Variants in KRT222 observed in about 807,000 individuals in gnomAD.
KRT222 encodes the protein keratin-like protein KRT222.
A neutral mutation model predicts 35.0 loss-of-function variants in KRT222; 23 were observed. The ratio of observed to expected loss-of-function variants is 0.66; its 90% CI spans 0.47 to 0.93. The LOEUF is 0.93. Ranked by LOEUF, KRT222 falls within the 40% of genes least tolerant of loss-of-function variation. The pLI is 0.00. For missense variants in KRT222, 339 were observed against 346.3 expected (o/e 0.98, Z 0.17); for synonymous variants, 108 against 118.8 (o/e 0.91, Z 0.59).
In KRT222 at chr17:40,654,733, T is replaced by C. The variant is rs982285088; in HGVS notation, c.*1669A>G. 2 of 152,112 alleles carry C rather than the reference T, an allele frequency of 1.3e-5. No homozygotes were observed. Among genetic ancestry groups the C allele is most frequent in the African/African-American group, 4.8e-5 (2 of 41,434 alleles). 9.4% of individuals were successfully genotyped at this position (152,112 alleles called of 1,614,324 possible). ...ACAGTAACTTTAGTACAATAGCTTA[T>C]ATGATTGCATTTTTAAAGCTTTAAT... On this transcript the variant is annotated 3_prime_UTR_variant, in exon 6 of 6. Transcript: ENST00000394052.
intron 5 of KRT222, chr17:40,657,067 C>G: frequency 4.8e-6 from 1 of 206,258 alleles, no homozygotes; most frequent in Non-Finnish European, 9.7e-6. Flanking sequence ...AAAAACCCAG[C>G]TGAGTGTGGT....
rs961911714 is a variant in KRT222 at position 40,654,730 on chromosome 17, T to C, written c.*1672A>G. 1 of 152,172 alleles carries C rather than the reference T, an allele frequency of 6.6e-6. No individual in the cohort carries two copies. Among genetic ancestry groups the C allele is most frequent in the Admixed American group, 6.5e-5 (1 of 15,278 alleles). The allele number at this position is 152,172 out of a possible 1,614,324, so 9.4% of individuals were successfully genotyped here. A position where few individuals can be genotyped will look rare whatever the true frequency, so the allele number is the denominator to read the frequency against. On this transcript the variant is annotated 3_prime_UTR_variant, in exon 6 of 6. Coordinates refer to ENST00000394052, the MANE Select transcript of KRT222 (RefSeq NM_152349.3). ...AGTACAGTAACTTTAGTACAATAGC[T>C]TATATGATTGCATTTTTAAAGCTTT...
At chr17:40,658,428 C>T (rs1272293236) in intron 3 of KRT222, among the ~76,000 whole-genome samples, 1 of 151,840 alleles carries the variant, frequency 6.6e-6, no homozygotes, top group Admixed American at 6.6e-5. Flanking sequence ...TACATATATA[C>T]ATATACATAT....
chr17:40,661,793 A>G, intron 2 of KRT222, 123 bp downstream of exon 2: 1 of 1,224,362 alleles, frequency 8.2e-7, no homozygotes, highest in South Asian at 1.6e-5. Flanking sequence ...GATCAGGGAT[A>G]GAATTCAGTG....
At chr17:40,657,576 GT>G (rs11412331) in intron 4 of KRT222, 89 bp from the exon 5 acceptor site, 62 of 1,419,428 alleles carry the variant, frequency 4.4e-5, no homozygotes, top group South Asian at 2.5e-4. Flanking sequence ...AATATTGCTT[GT>G]TTTTTTTCGA....
At position 40,655,770 on chromosome 17, in the gene KRT222, T is replaced by C. The variant is rs921871052; in HGVS notation, c.*632A>G. 5.9e-5 allele frequency: 9 copies of C among 152,168 alleles called. No individual in the cohort carries two copies. Among genetic ancestry groups the C allele is most frequent in the Admixed American group, 2.0e-4 (3 of 15,272 alleles). The allele number at this position is 152,168 out of a possible 1,614,324, so 9.4% of individuals were successfully genotyped here. On this transcript the variant is annotated 3_prime_UTR_variant, in exon 6 of 6. Coordinates refer to ENST00000394052, the MANE Select transcript of KRT222 (RefSeq NM_152349.3). ...ATATGTAGATTAACTTAATTGTACT[T>C]ATCTCAAATTAGCCCTGGGGTGTGT... is the stretch of plus-strand genomic sequence containing the variant.
At chr17:40,664,933 C>T (rs779918226) in intron 1 of KRT222, 71 bp downstream of exon 1, 10 of 1,607,844 alleles carry the variant, frequency 6.2e-6, no homozygotes, top group African/African-American at 1.3e-5. Flanking sequence ...TCAGAGAGGC[C>T]GGGACAGGAA....
intron 4 of KRT222, 44 bp downstream of exon 4, chr17:40,657,630 A>T: frequency 6.5e-7 from 1 of 1,538,648 alleles, no homozygotes; most frequent in Non-Finnish European, 8.9e-7. Context: ...CCCTGTAAAT[A>T]GTACATCACT....
At chr17:40,660,493 C>A (rs907933569) in intron 2 of KRT222, among the ~76,000 whole-genome samples, 11 of 151,916 alleles carry the variant, frequency 7.2e-5, no homozygotes, top group Non-Finnish European at 1.2e-4. Context: ...GTTGGCCAGG[C>A]TGGTCTCAAA....
chr17:40,656,316 A>C lies in KRT222; in HGVS notation c.*86T>G, dbSNP rs948038786. On this transcript the variant is annotated 3_prime_UTR_variant, in exon 6 of 6. Coordinates refer to ENST00000394052, the MANE Select transcript of KRT222 (RefSeq NM_152349.3). Reference sequence around the variant, plus strand: ...TAACATTTTCCATACATACGTAATAACTTACATTTTGGGACAGAGGGAGTT... The same window carrying C: ...TAACATTTTCCATACATACGTAATACCTTACATTTTGGGACAGAGGGAGTT... The C allele has an allele frequency of 6.2e-5, 53 of 856,548 alleles. No homozygotes were observed. The highest frequency in any genetic ancestry group is 2.2e-4 in the Middle Eastern group (1 of 4,466). The allele number at this position is 856,548 out of a possible 1,614,324, so 53.1% of individuals were successfully genotyped here.
intron 2 of KRT222, among the ~76,000 whole-genome samples, chr17:40,660,550 A>AT (rs1485615167): frequency 1.3e-5 from 2 of 152,142 alleles, no homozygotes; most frequent in Non-Finnish European, 2.9e-5. Flanking sequence ...AAGTGCTGGG[A>AT]TGACAGGCTT....
chr17:40,656,491 G>A lies in KRT222; in HGVS notation c.799C>T (p.Gln267Ter). 4 of 1,613,734 alleles carry A rather than the reference G, an allele frequency of 2.5e-6. No homozygotes were observed. The highest frequency in any genetic ancestry group is 3.4e-6 in the Non-Finnish European group (4 of 1,179,742). The change falls in exon 6 of 6, where the codon CAG becomes TAG. Residue 267 changes from glutamine (Q) to a stop codon, truncating the protein, a stop_gained. Coordinates refer to ENST00000394052, the MANE Select transcript of KRT222 (RefSeq NM_152349.3). LOFTEE classifies it high-confidence loss of function. Reference protein sequence around the residue: ...ATDEGCLETKQDNLPDIEVRL... With the variant: ...ATDEGCLETK Reference sequence around the variant, plus strand: ...ACTTCTATATCTGGTAGATTATCCTGCTTAGTCTCTAAACACCCTTCATCA... The same window carrying A: ...ACTTCTATATCTGGTAGATTATCCTACTTAGTCTCTAAACACCCTTCATCA...
At chr17:40,662,231 A>G in intron 1 of KRT222, 187 bp from the exon 2 acceptor site, 1 of 575,664 alleles carries the variant, frequency 1.7e-6, no homozygotes, top group Non-Finnish European at 2.9e-6. Context: ...TTGCGTTCTT[A>G]GCCCGTTTTC....
chr17:40,657,922 T>A (rs1178480814), intron 3 of KRT222, among the ~76,000 whole-genome samples, 172 bp from the exon 4 acceptor site: 1 of 152,112 alleles, frequency 6.6e-6, no homozygotes, highest in Admixed American at 6.5e-5. Flanking sequence ...AGAATAATAT[T>A]GAGTGAAAAA....
chr17:40,661,872 A>G, intron 2 of KRT222, 44 bp downstream of exon 2: 2 of 1,599,028 alleles, frequency 1.3e-6, no homozygotes, highest in Non-Finnish European at 8.5e-7. Flanking sequence ...ATCAAATCAC[A>G]TCTGAGGACT....
At chr17:40,660,247 G>T in intron 2 of KRT222, 40 bp from the exon 3 acceptor site, 9 of 1,457,886 alleles carry the variant, frequency 6.2e-6, no homozygotes, top group Non-Finnish European at 8.5e-6. Flanking sequence ...CAGTAACACA[G>T]AATGTGTTTC....
chr17:40,662,920 T>A (rs959329444), intron 1 of KRT222, among the ~76,000 whole-genome samples: 1 of 152,054 alleles, frequency 6.6e-6, no homozygotes, highest in Non-Finnish European at 1.5e-5. Context: ...TATTTTAACA[T>A]TTAAAAATTT....
At chr17:40,660,818 A>T (rs907987318) in intron 2 of KRT222, among the ~76,000 whole-genome samples, 2 of 152,194 alleles carry the variant, frequency 1.3e-5, no homozygotes, top group Admixed American at 1.3e-4. Context: ...TGATTTTTAA[A>T]TTATTGAAAG....
rs774450000 is a variant in KRT222, at chr17:40,665,151, CGCTGCGGCAGTCT to C, written c.-65_-53del. ...ACTGAACCTTATCGATAGGATGAGT[CGCTGCGGCAGTCT>C]GCTCGGTCTGCGCGGAAGGCAGGGA... On this transcript the variant is annotated 5_prime_UTR_variant, in exon 1 of 6. Coordinates refer to ENST00000394052, the MANE Select transcript of KRT222 (RefSeq NM_152349.3). 5 of 1,551,386 alleles carry C rather than the reference CGCTGCGGCAGTCT, an allele frequency of 3.2e-6. No individual in the cohort carries two copies. In the Admixed American group the frequency reaches 5.0e-5, roughly 16 times the overall value.
Sources: gnomAD v4.1 joint callset for allele counts (sites outside exome capture counted in the v4.1 genomes callset) on GRCh38, gnomAD v4.1.1 for gene constraint, MANE v1.5 for transcripts, NCBI Gene and HGNC (gene_info 2026-07-23, HGNC 2026-07-21) for gene names.